LRRC7: variants seen among roughly 807,000 people sequenced by gnomAD.
LRRC7 encodes leucine rich repeat containing 7, also known as leucine-rich repeat-containing protein 7.
A neutral mutation model predicts 175.7 loss-of-function variants in LRRC7; 23 were observed. The observed-to-expected ratio is 0.13, with a 90% CI of 0.09 to 0.19. The LOEUF is 0.19. LRRC7 is among the 10% of genes least tolerant of loss of function. LRRC7 has a pLI of 1.00. For synonymous variants in LRRC7, 685 were observed against 680.9 expected (o/e 1.01, Z -0.09); for missense variants, 1,354 against 1,904.7 (o/e 0.71, Z 5.38).
At chr1:69,734,931 A>G (rs908384145) in intron 2 of LRRC7, among the ~76,000 whole-genome samples, 3 of 151,946 alleles carry the variant, frequency 2.0e-5, no homozygotes, top group Non-Finnish European at 4.4e-5. Flanking sequence ...GAACAATAAA[A>G]TGTTTCTAGA....
chr1:69,727,005 G>A (rs1481071938), intron 2 of LRRC7, among the ~76,000 whole-genome samples: 1 of 152,136 alleles, frequency 6.6e-6, no homozygotes, highest in Non-Finnish European at 1.5e-5. Context: ...TCTGGGTAGA[G>A]AGAGAATTTG....
At chr1:69,623,765 G>A (rs993642101) in intron 1 of LRRC7, among the ~76,000 whole-genome samples, 2 of 152,114 alleles carry the variant, frequency 1.3e-5, no homozygotes, top group African/African-American at 4.8e-5. Context: ...GGTCAGACTA[G>A]TCTTGAACTC....
chr1:69,919,624 C>A, intron 7 of LRRC7: 1 of 850,804 alleles, frequency 1.2e-6, no homozygotes, highest in Non-Finnish European at 2.0e-6. Flanking sequence ...TCAGCGGCTA[C>A]ATCCAGAAGA....
intron 20 of LRRC7, 152 bp from the exon 21 acceptor site, chr1:70,037,961 T>C (rs983512077): frequency 1.8e-6 from 2 of 1,098,074 alleles, no homozygotes; most frequent in Non-Finnish European, 2.5e-6. Context: ...ATTTTTAAAA[T>C]ATGAAATAAT....
chr1:69,789,844 A>G (rs1032841901), intron 3 of LRRC7, among the ~76,000 whole-genome samples: 9 of 152,100 alleles, frequency 5.9e-5, no homozygotes, highest in East Asian at 5.8e-4. Context: ...AAATTATTAT[A>G]TAGGTGTGCC....
chr1:69,568,921 C>A (rs960568471), intron 1 of LRRC7, among the ~76,000 whole-genome samples: 35 of 152,294 alleles, frequency 2.3e-4, no homozygotes, highest in African/African-American at 7.9e-4. Context: ...TTACATACTG[C>A]GAAAAGGAAA....
chr1:69,595,012 A>T (rs77668180), intron 1 of LRRC7, among the ~76,000 whole-genome samples: 13,499 of 148,214 alleles, frequency 0.091, 710 homozygotes, highest in East Asian at 0.23. Flanking sequence ...AAAAATGATC[A>T]TTTTTTTTTT....
intron 3 of LRRC7, among the ~76,000 whole-genome samples, chr1:69,785,287 G>A (rs1674274294): frequency 6.6e-6 from 1 of 151,962 alleles, no homozygotes. Context: ...ATCATTATAT[G>A]ATCACTCTCT....
chr1:70,039,560 G>A lies in LRRC7; in HGVS notation c.3736G>A (p.Glu1246Lys). The A allele has an allele frequency of 6.2e-7, 1 of 1,614,154 alleles. No individual in the cohort carries two copies. The highest frequency in any genetic ancestry group is 8.5e-7 in the Non-Finnish European group (1 of 1,180,020). Reference protein sequence around the residue: ...RPLSARSYSTESYGASQTRPV... With the variant: ...RPLSARSYSTKSYGASQTRPV... ...ATTGTCTGCGAGAAGCTACAGTACA[G>A]AGAGTTACGGTGCCTCCCAAACCAG... Residue 1246 changes from glutamate (E) to lysine (K), a missense_variant, in exon 21 of 27, where the codon GAG (glutamate) becomes AAG (lysine). Coordinates refer to ENST00000651989, the MANE Select transcript of LRRC7 (RefSeq NM_001370785.2).
intron 7 of LRRC7, among the ~76,000 whole-genome samples, chr1:69,897,577 A>C (rs1646015180): frequency 6.6e-6 from 1 of 152,204 alleles, no homozygotes; most frequent in South Asian, 2.1e-4. Context: ...GGGACATAAT[A>C]GGTGTTTAAT....
At chr1:69,928,133 G>A (rs923915988) in intron 7 of LRRC7, among the ~76,000 whole-genome samples, 3 of 152,142 alleles carry the variant, frequency 2.0e-5, no homozygotes, top group African/African-American at 4.8e-5. Flanking sequence ...TTCGTGAACC[G>A]TGAATGCTGC....
chr1:69,605,759 T>G (rs993292397), intron 1 of LRRC7, among the ~76,000 whole-genome samples: 1 of 152,072 alleles, frequency 6.6e-6, no homozygotes, highest in East Asian at 1.9e-4. Flanking sequence ...AATAAACATA[T>G]GCTACAGAAA....
rs1340536724 is a variant in LRRC7, at chr1:70,078,814, ACACACACACG to A, written c.4452+2526_4452+2535del. On this transcript the variant is annotated intron_variant, in intron 24 of 26. Transcript: ENST00000651989. ...TATACGCGCGCGCGCGCGCGCGCACACACACACACGCACACACACACACACACACACACAC... is the reference window on the plus strand; with the variant it reads ...TATACGCGCGCGCGCGCGCGCGCACACACACACACACACACACACACACAC... Among the ~76,000 whole-genome samples, 411 of 118,420 alleles carry A rather than the reference ACACACACACG, an allele frequency of 3.5e-3. 4 individuals are homozygous for A. Among genetic ancestry groups the A allele is most frequent in the South Asian group, 0.018 (59 of 3,248 alleles). The allele number at this position is 118,420 out of a possible 152,430, so 77.7% of individuals were successfully genotyped here. A position where few individuals can be genotyped will look rare whatever the true frequency, so the allele number is the denominator to read the frequency against.
At chr1:69,981,270 A>G (rs900557773) in intron 9 of LRRC7, among the ~76,000 whole-genome samples, 1 of 152,216 alleles carries the variant, frequency 6.6e-6, no homozygotes, top group African/African-American at 2.4e-5. Context: ...TTAGATGTGT[A>G]TTCTCAAAAC....
Position 69,678,478 on chromosome 1 carries a change from T to C in LRRC7, c.100T>C (p.Leu34=), listed in dbSNP as rs1258471847. 1 of 1,595,494 alleles carries C rather than the reference T, an allele frequency of 6.3e-7. No homozygotes were observed. Among genetic ancestry groups the C allele is most frequent in the East Asian group, 2.3e-5 (1 of 44,382 alleles). ...AALRKRPEEE[L]QCLEMTTKRK... is the part of the protein sequence containing the mutation. The stretch of plus-strand genomic sequence containing the variant: ...ACTTCGGAAGAGGCCTGAAGAGGAG[T>C]GTAAGTATGTTTAATAGGATTACCT... The change falls in exon 2 of 27, where the codon TTG becomes CTG. Residue 34 remains leucine (L), a splice_region_variant and synonymous_variant. Coordinates refer to ENST00000651989, the MANE Select transcript of LRRC7 (RefSeq NM_001370785.2).
At chr1:69,591,983 A>G (rs749130595) in intron 1 of LRRC7, among the ~76,000 whole-genome samples, 3 of 152,062 alleles carry the variant, frequency 2.0e-5, no homozygotes, top group African/African-American at 7.2e-5. Flanking sequence ...TAAGTTCCCT[A>G]TGTGCAAGGC....
At chr1:69,661,155 T>C (rs1415513801) in intron 1 of LRRC7, among the ~76,000 whole-genome samples, 1 of 150,938 alleles carries the variant, frequency 6.6e-6, no homozygotes, top group Non-Finnish European at 1.5e-5. Context: ...CCACAAAGTT[T>C]TAGAAAAAAA....
At chr1:70,032,504 T>C (rs1461270525) in intron 18 of LRRC7, among the ~76,000 whole-genome samples, 1 of 152,182 alleles carries the variant, frequency 6.6e-6, no homozygotes, top group Admixed American at 6.5e-5. Flanking sequence ...CCTCTTCTTT[T>C]TCAAGAGAAT....
intron 16 of LRRC7, 123 bp from the exon 17 acceptor site, chr1:70,023,003 A>T: frequency 8.2e-7 from 1 of 1,216,954 alleles, no homozygotes. Context: ...AACTAACTTT[A>T]TGATCATTAT....
Sources: gnomAD v4.1 joint callset for allele counts (sites outside exome capture counted in the v4.1 genomes callset) on GRCh38, gnomAD v4.1.1 for gene constraint, MANE v1.5 for transcripts, NCBI Gene and HGNC (gene_info 2026-07-23, HGNC 2026-07-21) for gene names.